The following MASTL variants were observed in gnomAD, a reference collection of about 807,000 sequenced individuals.
The protein encoded by MASTL is serine/threonine-protein kinase greatwall.
A neutral mutation model predicts 82.5 loss-of-function variants in MASTL; 54 were observed. The observed-to-expected ratio is 0.65, with a 90% CI of 0.53 to 0.82. The LOEUF (loss-of-function observed/expected upper bound fraction) is 0.82, where lower values mean the gene tolerates loss of function less well. Ranked by LOEUF, MASTL falls within the 40% of genes least tolerant of loss-of-function variation. The probability of loss-of-function intolerance (pLI) is 0.00; values close to 1 mark genes in which losing one functional copy is unlikely to be tolerated. For synonymous variants in MASTL, 323 were observed against 368.9 expected, an observed-to-expected ratio of 0.88 and a Z score of 1.43; for missense variants, 950 against 1,047.8, an observed-to-expected ratio of 0.91 and a Z score of 1.29.
chr10:27,184,554 A>ATTTTTTT lies in MASTL; in HGVS notation c.2483-1807_2483-1801dup, dbSNP rs752147433. 5.2e-3 allele frequency among the ~76,000 whole-genome samples: 438 copies of ATTTTTTT among 84,854 alleles called. 27 individuals carry two copies. Among genetic ancestry groups the ATTTTTTT allele is most frequent in the Non-Finnish European group, 6.2e-3 (296 of 48,028 alleles). The allele number at this position is 84,854 out of a possible 152,430, so 55.7% of individuals were successfully genotyped here. A position where few individuals can be genotyped will look rare whatever the true frequency, so the allele number is the denominator to read the frequency against. ...AAAAACACTATCACATATAAGAAGG[A>ATTTTTTT]TTTTTTTTTTTTTTTTTTTTTTTTG... On this transcript the variant is annotated intron_variant, in intron 11 of 11. Coordinates refer to ENST00000375940, the MANE Select transcript of MASTL (RefSeq NM_001172303.3).
chr10:27,171,218 G>A, intron 8 of MASTL, 135 bp downstream of exon 8: 1 of 793,226 alleles, frequency 1.3e-6, no homozygotes, highest in Non-Finnish European at 2.0e-6. Flanking sequence ...TGGGCTGTTG[G>A]AAGTTTTCAC....
chr10:27,185,403 C>T (rs150503419), intron 11 of MASTL, among the ~76,000 whole-genome samples: 2,496 of 151,600 alleles, frequency 0.016, 118 homozygotes, highest in East Asian at 0.14. Flanking sequence ...GAGGCTGAGG[C>T]GGGTGGATCC....
intron 9 of MASTL, among the ~76,000 whole-genome samples, chr10:27,180,580 C>T (rs1373170643): frequency 2.0e-5 from 3 of 152,106 alleles, no homozygotes; most frequent in South Asian, 4.1e-4. Flanking sequence ...TTAGTACAGA[C>T]AGGGTTTCAC....
intron 5 of MASTL, 88 bp from the exon 6 acceptor site, chr10:27,165,301 G>A: frequency 7.0e-7 from 1 of 1,437,238 alleles, no homozygotes; most frequent in Non-Finnish European, 9.8e-7. Context: ...TTAACAGTTT[G>A]TCTACTTAGG....
chr10:27,163,454 ATTG>A (rs1324000146), intron 4 of MASTL, among the ~76,000 whole-genome samples: 3 of 152,202 alleles, frequency 2.0e-5, no homozygotes, highest in Non-Finnish European at 4.4e-5. Flanking sequence ...TTAAGATAAA[ATTG>A]TTGATAAATT....
intron 4 of MASTL, among the ~76,000 whole-genome samples, chr10:27,163,846 G>A (rs1160492585): frequency 6.6e-6 from 1 of 151,774 alleles, no homozygotes; most frequent in Non-Finnish European, 1.5e-5. Context: ...TAGCCAGGAT[G>A]GTCTTGATCT....
upstream of MASTL, chr10:27,155,238 G>A: frequency 1.6e-6 from 1 of 622,234 alleles, no homozygotes; most frequent in South Asian, 2.0e-5. Context: ...GTAAGGCTGC[G>A]AAGTCGGGGC....
Position 27,155,385 on chromosome 10 carries a change from C to G in MASTL, c.-42C>G. On this transcript the variant is annotated 5_prime_UTR_variant, in exon 1 of 12. Coordinates refer to ENST00000375940, the MANE Select transcript of MASTL (RefSeq NM_001172303.3). ...CCCAGTTGGCGGGAGTGGCTGCTCG[C>G]GGAGGGGCAGTGTCTGCGGGGCCGC... is the stretch of plus-strand genomic sequence containing the variant. 1.9e-6 allele frequency: 3 copies of G among 1,549,536 alleles called. No homozygotes were observed. Among genetic ancestry groups the G allele is most frequent in the Non-Finnish European group, 2.6e-6 (3 of 1,146,706 alleles).
At chr10:27,160,923 T>A (rs370566025) in intron 3 of MASTL, among the ~76,000 whole-genome samples, 171 bp from the exon 4 acceptor site, 1 of 152,222 alleles carries the variant, frequency 6.6e-6, no homozygotes, top group East Asian at 1.9e-4. Flanking sequence ...GTACGAAAGA[T>A]GTTTTGCTTT....
At position 27,164,693 on chromosome 10, in the gene MASTL, A is replaced by T. The variant is rs193042488; in HGVS notation, c.554-371A>T. Among the ~76,000 whole-genome samples the T allele has an allele frequency of 2.0e-5, 3 of 152,108 alleles. No homozygotes were observed. The South Asian group carries it at 6.2e-4, about 32-fold the overall frequency. On this transcript the variant is annotated intron_variant, in intron 4 of 11. Coordinates refer to ENST00000375940, the MANE Select transcript of MASTL (RefSeq NM_001172303.3). The stretch of plus-strand genomic sequence containing the variant: ...TGCTCTGTCGCCCTGGTCGGAGTGC[A>T]GTAGCGCGATCTCGGCTCACTGCAA...
intron 6 of MASTL, 146 bp from the exon 7 acceptor site, chr10:27,166,956 T>C: frequency 1.4e-6 from 1 of 704,028 alleles, no homozygotes. Flanking sequence ...AGATAGTGTT[T>C]ACAAAGAAAT....
In MASTL at chr10:27,158,683, C is replaced by T. The variant is rs11551471; in HGVS notation, c.321C>T (p.Tyr107=). ...CACTGCAGTCTGCAAACAATGTCTA[C>T]TTGGTGAGTAAATAATTTTTATGTT... ...YYSLQSANNV[Y]LVMEYLIGGD... Residue 107 remains tyrosine, a synonymous_variant, in exon 2 of 12, where the codon TAC becomes TAT. Transcript: ENST00000375940. 6.2e-7 allele frequency: 1 copy of T among 1,613,854 alleles called. No individual in the cohort carries two copies. The highest frequency in any genetic ancestry group is 1.1e-5 in the South Asian group (1 of 91,084).
At position 27,181,411 on chromosome 10, in the gene MASTL, T is replaced by C. The variant is rs932263278; in HGVS notation, c.2381-69T>C. 4.3e-6 allele frequency: 5 copies of C among 1,173,584 alleles called. No individual in the cohort carries two copies. In the African/African-American group the frequency reaches 7.7e-5, roughly 18 times the overall value. 72.7% of individuals were successfully genotyped at this position (1,173,584 alleles called of 1,614,324 possible). ...CATCTCAAAAAACAAAAAAAAGTAG[T>C]CATTTATCTCTGGATACTATTATTT... On this transcript the variant is annotated intron_variant, in intron 10 of 11. Transcript: ENST00000375940.
chr10:27,183,588 T>C (rs1259380517), intron 11 of MASTL, among the ~76,000 whole-genome samples: 1 of 152,148 alleles, frequency 6.6e-6, no homozygotes, highest in Non-Finnish European at 1.5e-5. Flanking sequence ...GGTATGGTAA[T>C]ATAGAGAAAA....
rs942395328 is a variant in MASTL at position 27,165,109 on chromosome 10, C to G, written c.599C>G (p.Pro200Arg). 6.2e-6 allele frequency: 10 copies of G among 1,613,026 alleles called. No homozygotes were observed. Among genetic ancestry groups the G allele is most frequent in the Non-Finnish European group, 8.5e-6 (10 of 1,179,300 alleles). ...DILTTPSMAK[P>R]RQDYSRTPGQ... is the part of the protein sequence containing the mutation. ...CTTACAACACCATCAATGGCAAAAC[C>G]TAGACAAGATTATTCAAGAACCCCA... The change falls in exon 5 of 12, where the codon CCT becomes CGT. Residue 200 changes from proline (P) to arginine (R), a missense_variant. Physicochemically the swap from Pro to Arg is moderately radical, Grantham distance 103. Coordinates refer to ENST00000375940, the MANE Select transcript of MASTL (RefSeq NM_001172303.3).
chr10:27,164,616 T>C (rs2057680852), intron 4 of MASTL, among the ~76,000 whole-genome samples: 1 of 152,148 alleles, frequency 6.6e-6, no homozygotes, highest in African/African-American at 2.4e-5. Context: ...AAAATTAATA[T>C]TGATTCCATA....
In MASTL at chr10:27,186,533, G is replaced by C. The variant is rs1469128453; in HGVS notation, c.2637G>C (p.Leu879=). The change falls in exon 12 of 12, where the codon CTG becomes CTC. Residue 879 remains leucine, a synonymous_variant. Coordinates refer to ENST00000375940, the MANE Select transcript of MASTL (RefSeq NM_001172303.3). ...ACCTGACTGTATCTGGATTTAGTCT[G>C]TAGCACAAAAATTTTCCTTTTAGTC... ...AQHLTVSGFS[L] 6.2e-7 allele frequency: 1 copy of C among 1,613,872 alleles called. No homozygotes were observed. The highest frequency in any genetic ancestry group is 2.2e-5 in the East Asian group (1 of 44,872).
intron 11 of MASTL, among the ~76,000 whole-genome samples, chr10:27,182,129 T>C (rs1347286470): frequency 6.7e-6 from 1 of 150,222 alleles, no homozygotes; most frequent in African/African-American, 2.4e-5. Flanking sequence ...CGTGCACCTG[T>C]AGTCCCAGCT....
In MASTL at chr10:27,170,334, A is replaced by G. The variant is rs554314912; in HGVS notation, c.1375A>G (p.Ile459Val). Residue 459 changes from isoleucine to valine, a missense_variant, in exon 8 of 12, where the codon ATA becomes GTA. Coordinates refer to ENST00000375940, the MANE Select transcript of MASTL (RefSeq NM_001172303.3). ...TGACTCCAGTCCTTGTAAAAAAATTATACAGAATAAAAAAACTTGTGTAGA... is the reference window on the plus strand; with the variant it reads ...TGACTCCAGTCCTTGTAAAAAAATTGTACAGAATAAAAAAACTTGTGTAGA... Reference protein sequence around the residue: ...LVDSSPCKKIIQNKKTCVEYK... With the variant: ...LVDSSPCKKIVQNKKTCVEYK... 2.4e-5 allele frequency: 39 copies of G among 1,613,656 alleles called. No homozygotes were observed. Among genetic ancestry groups the G allele is most frequent in the Admixed American group, 3.3e-5 (2 of 59,988 alleles).
Sources: allele counts gnomAD v4.1 joint callset (sites outside exome capture counted in the v4.1 genomes callset), GRCh38; gene constraint gnomAD v4.1.1; transcripts MANE v1.5; gene names NCBI Gene and HGNC (gene_info 2026-07-23, HGNC 2026-07-21).